EMP2: variants seen among roughly 807,000 people sequenced by gnomAD.
EMP2 encodes epithelial membrane protein 2.
In EMP2, 19 loss-of-function variants were observed where a neutral mutation model predicts 13.7. The ratio of observed to expected loss-of-function variants is 1.38; its 90% confidence interval spans 0.97 to 2.03. EMP2 has a LOEUF of 2.03. Ranked by LOEUF, EMP2 falls within the 30% of genes most tolerant of loss-of-function variation. EMP2 has a pLI of 0.00. For missense variants in EMP2, 253 were observed against 220.7 expected (o/e 1.15, Z -0.93); for synonymous variants, 97 against 84.7 (o/e 1.15, Z -0.80).
chr16:10,529,028 T>TAC lies in EMP2; in HGVS notation c.*3876_*3877insGT, dbSNP rs1252810648. 1 of 152,070 alleles carries TAC rather than the reference T, an allele frequency of 6.6e-6. No individual in the cohort carries two copies. The highest frequency in any genetic ancestry group is 2.4e-5 in the African/African-American group (1 of 41,400). 9.4% of individuals were successfully genotyped at this position (152,070 alleles called of 1,614,324 possible). On this transcript the variant is annotated 3_prime_UTR_variant, in exon 5 of 5. Coordinates refer to ENST00000359543, the MANE Select transcript of EMP2 (RefSeq NM_001424.6). The stretch of plus-strand genomic sequence containing the variant: ...ATGTTCCTGTATTCAGGTATATATA[T>TAC]ATACACATTCACACAGACCAACAAG...
In EMP2 at chr16:10,543,702, A is replaced by T. The variant is rs374638371; in HGVS notation, c.79-42T>A. The T allele has an allele frequency of 6.8e-5, 109 of 1,596,036 alleles. No homozygotes were observed. In the Middle Eastern group the frequency reaches 1.7e-3, roughly 24 times the overall value. ...AAATAGAGAGAAAGGCCGTCCGTTC[A>T]TGATGCAAACACTGACTGCTAATTA... On this transcript the variant is annotated intron_variant, in intron 2 of 4. Coordinates refer to ENST00000359543, the MANE Select transcript of EMP2 (RefSeq NM_001424.6).
chr16:10,553,839 T>C (rs2050807455), intron 1 of EMP2, among the ~76,000 whole-genome samples: 2 of 152,202 alleles, frequency 1.3e-5, no homozygotes, highest in South Asian at 2.1e-4. Context: ...CACTTATTTC[T>C]TTGCACACAT....
intron 1 of EMP2, among the ~76,000 whole-genome samples, chr16:10,550,772 C>T (rs1246386904): frequency 6.6e-6 from 1 of 152,062 alleles, no homozygotes; most frequent in Non-Finnish European, 1.5e-5. Flanking sequence ...GTCTGGAGTT[C>T]GAGACCAGCC....
chr16:10,560,719 A>T (rs1454331412), intron 1 of EMP2, among the ~76,000 whole-genome samples: 1 of 152,170 alleles, frequency 6.6e-6, no homozygotes, highest in Non-Finnish European at 1.5e-5. Context: ...CAGAAGCTTC[A>T]TGGAAGAAGC....
chr16:10,552,195 GTTACT>G (rs1430953117), intron 1 of EMP2, among the ~76,000 whole-genome samples: 1 of 149,064 alleles, frequency 6.7e-6, no homozygotes, highest in African/African-American at 2.5e-5. Flanking sequence ...TGAATGCCCT[GTTACT>G]TTAACATCAG....
In EMP2 at chr16:10,547,620, T is replaced by C. The variant is rs2050749779; in HGVS notation, c.-3A>G. 2 of 1,614,094 alleles carry C rather than the reference T, an allele frequency of 1.2e-6. No individual in the cohort carries two copies. The highest frequency in any genetic ancestry group is 1.7e-4 in the Middle Eastern group (1 of 6,060). On this transcript the variant is annotated 5_prime_UTR_variant, in exon 2 of 5. Coordinates refer to ENST00000359543, the MANE Select transcript of EMP2 (RefSeq NM_001424.6). ...ATGAAAGCAAGAAGCACCAACATTT[T>C]CACAGGGCAGGGCGAGTCGAGGCGA...
intron 1 of EMP2, among the ~76,000 whole-genome samples, chr16:10,560,498 T>A (rs1304517832): frequency 1.3e-5 from 2 of 152,248 alleles, no homozygotes; most frequent in Admixed American, 6.5e-5. Flanking sequence ...AGGCTTCCGA[T>A]CACTGTCCCC....
chr16:10,546,156 G>C (rs1481065950), intron 2 of EMP2: 2 of 152,240 alleles, frequency 1.3e-5, no homozygotes, highest in Non-Finnish European at 2.9e-5. Flanking sequence ...GGGCCACAGT[G>C]ATCGCTAAGT....
At chr16:10,556,521 C>T (rs1049598629) in intron 1 of EMP2, among the ~76,000 whole-genome samples, 20 of 152,188 alleles carry the variant, frequency 1.3e-4, no homozygotes, top group African/African-American at 4.8e-4. Context: ...ACAGCAAATT[C>T]ACTTCTAACT....
chr16:10,572,416 C>CAG (rs1422936683), intron 1 of EMP2, among the ~76,000 whole-genome samples: 1 of 151,742 alleles, frequency 6.6e-6, no homozygotes, highest in African/African-American at 2.4e-5. Context: ...CACTACACTC[C>CAG]AGCCTGGGTG....
chr16:10,540,507 A>AAAATAAATAAATAAATAAAT (rs112860854), intron 3 of EMP2, among the ~76,000 whole-genome samples: 11,936 of 147,112 alleles, frequency 0.081, 620 homozygotes, highest in African/African-American at 0.12. Context: ...CTCTGTCTCA[A>AAAATAAATAAATAAATAAAT]AAATAAATAA....
chr16:10,566,033 C>T (rs1405003966), intron 1 of EMP2, among the ~76,000 whole-genome samples: 1 of 152,184 alleles, frequency 6.6e-6, no homozygotes, highest in African/African-American at 2.4e-5. Context: ...CACACCACCC[C>T]CAGCCTCTGC....
intron 3 of EMP2, 102 bp downstream of exon 3, chr16:10,543,468 G>C: frequency 7.6e-7 from 1 of 1,311,252 alleles, no homozygotes; most frequent in Non-Finnish European, 1.1e-6. Flanking sequence ...AGTATGCAGT[G>C]AGTGGAGGAG....
chr16:10,570,422 A>G (rs1028308812), intron 1 of EMP2, among the ~76,000 whole-genome samples: 5 of 151,962 alleles, frequency 3.3e-5, no homozygotes, highest in Non-Finnish European at 5.9e-5. Flanking sequence ...TTTGAGACAG[A>G]GTCTTGCCCC....
At chr16:10,577,303 C>T (rs557927506) in intron 1 of EMP2, among the ~76,000 whole-genome samples, 48 of 152,286 alleles carry the variant, frequency 3.2e-4, no homozygotes, top group African/African-American at 1.0e-3. Flanking sequence ...CCTCTGGAGC[C>T]GTGCAGGACA....
chr16:10,540,886 A>G (rs2097090103), intron 3 of EMP2, among the ~76,000 whole-genome samples: 2 of 152,050 alleles, frequency 1.3e-5, no homozygotes, highest in African/African-American at 2.4e-5. Context: ...TCAGGAGTTC[A>G]AGACCAGCAT....
chr16:10,552,835 G>C (rs2050798342), intron 1 of EMP2, among the ~76,000 whole-genome samples: 1 of 152,074 alleles, frequency 6.6e-6, no homozygotes, highest in Admixed American at 6.5e-5. Context: ...TTTAAGCTCT[G>C]GGAATGGTTT....
chr16:10,576,777 C>T (rs992148372), intron 1 of EMP2: 8 of 152,220 alleles, frequency 5.3e-5, no homozygotes, highest in African/African-American at 1.9e-4. Flanking sequence ...ACCGGAGATA[C>T]TGCATGAACA....
intron 1 of EMP2, among the ~76,000 whole-genome samples, chr16:10,572,713 C>G (rs2050956656): frequency 6.6e-6 from 1 of 152,188 alleles, no homozygotes; most frequent in East Asian, 1.9e-4. Flanking sequence ...CTCCTCGACC[C>G]TCCACATGTC....
Sources: allele counts gnomAD v4.1 joint callset (sites outside exome capture counted in the v4.1 genomes callset), GRCh38; gene constraint gnomAD v4.1.1; transcripts MANE v1.5; gene names NCBI Gene and HGNC (gene_info 2026-07-23, HGNC 2026-07-21).